Variants in SYT5 observed in about 807,000 individuals in gnomAD.
The protein encoded by SYT5 is synaptotagmin-5.
Under a neutral mutation model 36.0 loss-of-function variants are expected in SYT5, and 29 were observed. The observed-to-expected ratio is 0.81, with a 90% CI of 0.60 to 1.10. The LOEUF is 1.10. SYT5 is among the 50% of genes least tolerant of loss of function. SYT5 has a pLI of 0.00. For synonymous variants in SYT5, 231 were observed against 227.6 expected (o/e 1.02, Z -0.14); for missense variants, 512 against 516.0 (o/e 0.99, Z 0.08).
At position 55,173,489 on chromosome 19, in the gene SYT5, G is replaced by A. The variant is rs777024180; in HGVS notation, c.1156C>T (p.Pro386Ser). The A allele has an allele frequency of 1.5e-5, 21 of 1,360,694 alleles. No individual in the cohort carries two copies. The African/African-American group carries it at 2.1e-4, about 14-fold the overall frequency. The allele number at this position is 1,360,694 out of a possible 1,614,324, so 84.3% of individuals were successfully genotyped here. Residue 386 changes from proline (P) to serine (S), a missense_variant, in exon 9 of 9, where the codon CCC (proline) becomes TCC (serine). Transcript: ENST00000354308. This position sits in a 1 kb window ranked among gnomAD's most constrained non-coding sequence, Gnocchi z 5.4. ...PPDRVRLLPA[P>S] ...CCGGGGGCTTGGGGTGGGAGTCAGG[G>A]CGCAGGCAGCAGCCTCACTCGGTCC... is the stretch of plus-strand genomic sequence containing the variant.
chr19:55,172,897 G>A lies in SYT5; in HGVS notation c.*587C>T, dbSNP rs944703509. ...ATTATTATCCCAACATTCTCCAGAG[G>A]AGGAAACCCAGGCTCAGAGTGGTGA... On this transcript the variant is annotated 3_prime_UTR_variant, in exon 9 of 9. Coordinates refer to ENST00000354308, the MANE Select transcript of SYT5 (RefSeq NM_003180.3). 6.6e-6 allele frequency: 1 copy of A among 152,386 alleles called. No individual in the cohort carries two copies. The highest frequency in any genetic ancestry group is 6.5e-5 in the Admixed American group (1 of 15,276). 9.4% of individuals were successfully genotyped at this position (152,386 alleles called of 1,614,324 possible).
Position 55,173,781 on chromosome 19 carries a change from T to C in SYT5, c.961-97A>G. 1 of 1,244,026 alleles carries C rather than the reference T, an allele frequency of 8.0e-7. No individual in the cohort carries two copies. The highest frequency in any genetic ancestry group is 1.0e-6 in the Non-Finnish European group (1 of 978,428). 77.1% of individuals were successfully genotyped at this position (1,244,026 alleles called of 1,614,324 possible). A position where few individuals can be genotyped will look rare whatever the true frequency, so the allele number is the denominator to read the frequency against. ...TTTCACGGCTGAGGGTACCTCTCGC[T>C]GCCACCCGAGGGCTCGGGGCCCCGG... On this transcript the variant is annotated intron_variant, in intron 8 of 8. Coordinates refer to ENST00000354308, the MANE Select transcript of SYT5 (RefSeq NM_003180.3). This position sits in a 1 kb window ranked among gnomAD's most constrained non-coding sequence, Gnocchi z 5.4.
In SYT5 at chr19:55,173,613, G is replaced by A; in HGVS notation, c.1032C>T (p.Ala344=). 1 of 1,487,688 alleles carries A rather than the reference G, an allele frequency of 6.7e-7. No homozygotes were observed. The allele number at this position is 1,487,688 out of a possible 1,614,324, so 92.2% of individuals were successfully genotyped here. The change falls in exon 9 of 9, where the codon GCC becomes GCT. Residue 344 remains alanine, a synonymous_variant. Coordinates refer to ENST00000354308, the MANE Select transcript of SYT5 (RefSeq NM_003180.3). The surrounding 1 kb of genome is among the most constrained non-coding windows in gnomAD (Gnocchi z 5.4). ...CAGCCCCGCCGGCGGCCGCCCCCAC[G>A]GCCACCCTCCCGATGGCCTCGTTCT... ...LGKNEAIGRV[A]VGAAAGGAGL... is the part of the protein sequence containing the mutation.
rs28406813 is a variant in SYT5 at position 55,171,281 on chromosome 19, T to C, written c.*2203A>G. ...GTAATAGTAGTAACATAAAGGGCTG[T>C]CTTCATAAAGACATGCTCTACAGCC... On this transcript the variant is annotated 3_prime_UTR_variant, in exon 9 of 9. Coordinates refer to ENST00000354308, the MANE Select transcript of SYT5 (RefSeq NM_003180.3). The C allele has an allele frequency of 0.17, 25,854 of 151,446 alleles. 4,091 individuals are homozygous for C. Among genetic ancestry groups the C allele is most frequent in the African/African-American group, 0.42 (17,196 of 41,174 alleles). The allele number at this position is 151,446 out of a possible 1,614,324, so 9.4% of individuals were successfully genotyped here. A position where few individuals can be genotyped will look rare whatever the true frequency, so the allele number is the denominator to read the frequency against.
chr19:55,174,914 T>C lies in SYT5; in HGVS notation c.794A>G (p.Asn265Ser). The C allele has an allele frequency of 6.2e-7, 1 of 1,613,916 alleles. No homozygotes were observed. The highest frequency in any genetic ancestry group is 1.7e-5 in the Admixed American group (1 of 59,988). ...TCCTCCTACGTCCATCTTCTTCAGG[T>C]TTTTAGCCTCCAGGACGATGACGGT... ...KLTVIVLEAK[N>S]LKKMDVGGLS... is the part of the protein sequence containing the mutation. The change falls in exon 7 of 9, where the codon AAC (asparagine) becomes AGC (serine). Residue 265 changes from asparagine to serine, a missense_variant. Coordinates refer to ENST00000354308, the MANE Select transcript of SYT5 (RefSeq NM_003180.3).
rs1232835500 is a variant in SYT5, at chr19:55,173,562, C to T, written c.1083G>A (p.Leu361=). 3 of 1,450,162 alleles carry T rather than the reference C, an allele frequency of 2.1e-6. No homozygotes were observed. The highest frequency in any genetic ancestry group is 2.5e-4 in the Middle Eastern group (1 of 4,032). The allele number at this position is 1,450,162 out of a possible 1,614,324, so 89.8% of individuals were successfully genotyped here. The part of the protein sequence containing the change: ...GAGLRHWADM[L]ANPRRPIAQW... ...GGGCAATGGGCCGCCGCGGGTTGGC[C>T]AGCATGTCCGCCCAGTGCCGCAGGC... Residue 361 remains leucine (L), a synonymous_variant, in exon 9 of 9, where the codon CTG becomes CTA. Coordinates refer to ENST00000354308, the MANE Select transcript of SYT5 (RefSeq NM_003180.3). The surrounding 1 kb of genome is among the most constrained non-coding windows in gnomAD (Gnocchi z 5.4).
In SYT5 at chr19:55,174,527, TCACAGGGCACCTC is replaced by T; in HGVS notation, c.937_949del (p.Glu313ThrfsTer10). 2 of 1,614,020 alleles carry T rather than the reference TCACAGGGCACCTC, an allele frequency of 1.2e-6. No individual in the cohort carries two copies. Among genetic ancestry groups the T allele is most frequent in the Middle Eastern group, 1.7e-4 (1 of 6,060 alleles). On this transcript the variant is annotated frameshift_variant, in exon 8 of 9. Transcript: ENST00000354308. LOFTEE classifies it low-confidence loss of function (END_TRUNC). ...CAGGTTTGAGCTCACCTGGACTTGG[TCACAGGGCACCTC>T]GAAGCTGAAAGCTTCGTTGTAATAG...
rs754560129 is a variant in SYT5 at position 55,175,837 on chromosome 19, A to C, written c.412T>G (p.Leu138Val). Residue 138 changes from leucine (L) to valine (V), a missense_variant, in exon 5 of 9, where the codon TTG becomes GTG. Transcript: ENST00000354308. This position sits in a 1 kb window ranked among gnomAD's most constrained non-coding sequence, Gnocchi z 4.5. ...GILQAMGLAALDLGGSSDPYV... is the reference protein window; with the variant it reads ...GILQAMGLAAVDLGGSSDPYV... Reference sequence around the variant, plus strand: ...GGGTCCGAGGAGCCACCAAGATCCAAGGCTGCCAATCCCATTGCTTGCAGA... The same window carrying C: ...GGGTCCGAGGAGCCACCAAGATCCACGGCTGCCAATCCCATTGCTTGCAGA... The C allele has an allele frequency of 1.9e-5, 30 of 1,614,010 alleles. No individual in the cohort carries two copies. Among genetic ancestry groups the C allele is most frequent in the Non-Finnish European group, 2.5e-5 (29 of 1,180,022 alleles).
In SYT5 at chr19:55,173,610, C is replaced by A; in HGVS notation, c.1035G>T (p.Val345=). The A allele has an allele frequency of 6.7e-7, 1 of 1,487,276 alleles. No individual in the cohort carries two copies. The highest frequency in any genetic ancestry group is 2.9e-5 in the East Asian group (1 of 34,310). The allele number at this position is 1,487,276 out of a possible 1,614,324, so 92.1% of individuals were successfully genotyped here. ...GKNEAIGRVA[V]GAAAGGAGLR... ...GGCCAGCCCCGCCGGCGGCCGCCCC[C>A]ACGGCCACCCTCCCGATGGCCTCGT... The change falls in exon 9 of 9, where the codon GTG becomes GTT. Residue 345 remains valine, a synonymous_variant. Transcript: ENST00000354308. The surrounding 1 kb of genome is among the most constrained non-coding windows in gnomAD (Gnocchi z 5.4).
In SYT5 at chr19:55,178,362, G is replaced by A. The variant is rs537732381; in HGVS notation, c.86C>T (p.Pro29Leu). 2 of 1,610,230 alleles carry A rather than the reference G, an allele frequency of 1.2e-6. No individual in the cohort carries two copies. Among genetic ancestry groups the A allele is most frequent in the Non-Finnish European group, 1.7e-6 (2 of 1,178,936 alleles). The change falls in exon 3 of 9, where the codon CCC becomes CTC. Residue 29 changes from proline (P) to leucine (L), a missense_variant. Transcript: ENST00000354308. ...SSRISHGPVP[P>L]WALATIVLVS... ...CAGCACGATGGTGGCCAGGGCCCAG[G>A]GGGGCACTGCAGAGGGGTGGAGACA... is the stretch of plus-strand genomic sequence containing the variant.
rs1490018536 is a variant in SYT5, at chr19:55,174,949, G to A, written c.759C>T (p.Ala253=). The part of the protein sequence containing the change: ...ICFSLRYVPT[A]GKLTVIVLEA... The stretch of plus-strand genomic sequence containing the variant: ...CCAGGACGATGACGGTGAGCTTCCC[G>A]GCCGTGGGGACATAGCGGAGGGAGA... Residue 253 remains alanine (A), a synonymous_variant, in exon 7 of 9, where the codon GCC becomes GCT. Transcript: ENST00000354308. The A allele has an allele frequency of 5.0e-6, 8 of 1,614,084 alleles. No homozygotes were observed. The highest frequency in any genetic ancestry group is 6.8e-6 in the Non-Finnish European group (8 of 1,180,008).
intron 7 of SYT5, 58 bp downstream of exon 7, chr19:55,174,824 G>T: frequency 6.3e-7 from 1 of 1,588,504 alleles, no homozygotes; most frequent in Non-Finnish European, 8.6e-7. Context: ...GAAACTGTCA[G>T]AACGAGAACC....
rs1012372901 is a variant in SYT5 at position 55,178,432 on chromosome 19, A to G, written c.80-64T>C. The G allele has an allele frequency of 3.3e-6, 5 of 1,505,388 alleles. No homozygotes were observed. In the African/African-American group the frequency reaches 6.9e-5, roughly 21 times the overall value. The allele number at this position is 1,505,388 out of a possible 1,614,324, so 93.3% of individuals were successfully genotyped here. A position where few individuals can be genotyped will look rare whatever the true frequency, so the allele number is the denominator to read the frequency against. On this transcript the variant is annotated intron_variant, in intron 2 of 8. Coordinates refer to ENST00000354308, the MANE Select transcript of SYT5 (RefSeq NM_003180.3). ...CAGCACGCAGGCTGATTCAGTCCTG[A>G]TTACACGTGGAAGCTGGAATGCTGG...
chr19:55,175,790 C>T lies in SYT5; in HGVS notation c.459G>A (p.Leu153=). The T allele has an allele frequency of 6.2e-7, 1 of 1,614,186 alleles. No homozygotes were observed. Among genetic ancestry groups the T allele is most frequent in the African/African-American group, 1.3e-5 (1 of 75,042 alleles). Residue 153 remains leucine, a synonymous_variant, in exon 5 of 9, where the codon CTG becomes CTA. Transcript: ENST00000354308. The surrounding 1 kb of genome is among the most constrained non-coding windows in gnomAD (Gnocchi z 4.5). ...SSDPYVRVYL[L]PDKRRRYETK... ...TCTCGTACCGCCTCCGTTTGTCCGG[C>T]AGCAGGTAGACCCGCACATAGGGGT...
rs1376725238 is a variant in SYT5, at chr19:55,175,797, T to C, written c.452A>G (p.Tyr151Cys). 1.2e-6 allele frequency: 2 copies of C among 1,614,100 alleles called. No homozygotes were observed. The change falls in exon 5 of 9, where the codon TAC becomes TGC. Residue 151 changes from tyrosine (Y) to cysteine (C), a missense_variant. Physicochemically the swap from Tyr to Cys is radical, Grantham distance 194. Transcript: ENST00000354308. This position sits in a 1 kb window ranked among gnomAD's most constrained non-coding sequence, Gnocchi z 4.5. ...GGSSDPYVRV[Y>C]LLPDKRRRYE... is the part of the protein sequence containing the mutation. The stretch of plus-strand genomic sequence containing the variant: ...CCGCCTCCGTTTGTCCGGCAGCAGG[T>C]AGACCCGCACATAGGGGTCCGAGGA...
chr19:55,178,293 C>T lies in SYT5; in HGVS notation c.155G>A (p.Arg52Gln), dbSNP rs773937460. The change falls in exon 3 of 9, where the codon CGG becomes CAG. Residue 52 changes from arginine to glutamine, a missense_variant. Arg to Gln is a conservative substitution (Grantham distance 43, BLOSUM62 1). Transcript: ENST00000354308. ...LIFSCCFCLY[R>Q]KSCRRRTGKK... ...GCCTGTCCGCCTCCGACAGCTCTTCCGGTAGAGACAGAAACAGCAGCTGAA... is the reference window on the plus strand; with the variant it reads ...GCCTGTCCGCCTCCGACAGCTCTTCTGGTAGAGACAGAAACAGCAGCTGAA... 19 of 1,611,836 alleles carry T rather than the reference C, an allele frequency of 1.2e-5. No individual in the cohort carries two copies. The highest frequency in any genetic ancestry group is 3.4e-5 in the Admixed American group (2 of 59,530).
At position 55,179,191 on chromosome 19, in the gene SYT5, G is replaced by T; in HGVS notation, c.-45-105C>A. 1 of 1,532,938 alleles carries T rather than the reference G, an allele frequency of 6.5e-7. No individual in the cohort carries two copies. The highest frequency in any genetic ancestry group is 8.7e-7 in the Non-Finnish European group (1 of 1,145,066). The allele number at this position is 1,532,938 out of a possible 1,614,324, so 95.0% of individuals were successfully genotyped here. A position where few individuals can be genotyped will look rare whatever the true frequency, so the allele number is the denominator to read the frequency against. On this transcript the variant is annotated intron_variant, in intron 1 of 8. Coordinates refer to ENST00000354308, the MANE Select transcript of SYT5 (RefSeq NM_003180.3). The surrounding 1 kb of genome is among the most constrained non-coding windows in gnomAD (Gnocchi z 4.5). ...CGAACAGCCGCGCAGAAACCGGACAGCCACCGCGAGTCATGCTGGGAGTTG... is the reference window on the plus strand; with the variant it reads ...CGAACAGCCGCGCAGAAACCGGACATCCACCGCGAGTCATGCTGGGAGTTG...
chr19:55,176,204 C>T (rs903278905), intron 3 of SYT5, 80 bp from the exon 4 acceptor site: 2 of 1,592,624 alleles, frequency 1.3e-6, no homozygotes, highest in African/African-American at 2.7e-5. Flanking sequence ...AAGGGAGGCT[C>T]ACAGGTCCCT....
At chr19:55,178,840 G>C in intron 2 of SYT5, 123 bp downstream of exon 2, 5 of 952,766 alleles carry the variant, frequency 5.2e-6, no homozygotes. Flanking sequence ...CCAGGATGAC[G>C]ACCCGGGATC....
Sources: gnomAD v4.1 joint callset for allele counts on GRCh38, gnomAD v4.1.1 for gene constraint, Gnocchi (gnomAD v3.1) non-coding constraint, MANE v1.5 for transcripts, NCBI Gene and HGNC (gene_info 2026-07-23, HGNC 2026-07-21) for gene names.